The following CBLB variants were observed in gnomAD, a reference collection of about 807,000 sequenced individuals.
CBLB encodes the protein E3 ubiquitin-protein ligase CBL-B.
A neutral mutation model predicts 104.9 loss-of-function variants in CBLB; 31 were observed. That is an observed-to-expected ratio of 0.30 (90% CI 0.22 to 0.40). The LOEUF (loss-of-function observed/expected upper bound fraction) is 0.40, where lower values mean the gene tolerates loss of function less well. CBLB is among the 10% of genes least tolerant of loss of function. The pLI is 1.00. For missense variants in CBLB, 1,062 were observed against 1,214.6 expected (o/e 0.87, Z 1.87); for synonymous variants, 440 against 422.6 (o/e 1.04, Z -0.51).
At chr3:105,754,023 G>C (rs900519081) in intron 4 of CBLB, among the ~76,000 whole-genome samples, 2 of 152,108 alleles carry the variant, frequency 1.3e-5, no homozygotes, top group Admixed American at 6.5e-5. Flanking sequence ...TAGTAATAGG[G>C]ATTAGGGAGC....
chr3:105,710,486 G>T (rs991155607), intron 10 of CBLB, among the ~76,000 whole-genome samples: 1 of 151,946 alleles, frequency 6.6e-6, no homozygotes, highest in African/African-American at 2.4e-5. Flanking sequence ...AAAAGATACT[G>T]ATCAGTATCA....
intron 10 of CBLB, among the ~76,000 whole-genome samples, chr3:105,714,621 C>T (rs930707908): frequency 2.6e-5 from 4 of 152,158 alleles, no homozygotes; most frequent in African/African-American, 4.8e-5. Flanking sequence ...GGCGGTAATG[C>T]GAGCTGTGGG....
intron 5 of CBLB, among the ~76,000 whole-genome samples, chr3:105,748,367 T>C (rs2076300019): frequency 6.6e-6 from 1 of 152,194 alleles, no homozygotes; most frequent in Admixed American, 6.5e-5. Context: ...GACTTTCCTC[T>C]TCTTTGATTT....
chr3:105,751,690 C>T (rs1362687630), intron 4 of CBLB, 72 bp from the exon 5 acceptor site: 2 of 1,082,946 alleles, frequency 1.8e-6, no homozygotes, highest in Non-Finnish European at 2.9e-6. Context: ...TTTGAAGCAG[C>T]AAAATTCAAT....
At chr3:105,721,571 G>A (rs1010931543) in intron 9 of CBLB, among the ~76,000 whole-genome samples, 1 of 152,098 alleles carries the variant, frequency 6.6e-6, no homozygotes, top group South Asian at 2.1e-4. Flanking sequence ...ATTTGGAAAA[G>A]AAACTTGGAA....
At chr3:105,679,281 T>C (rs1401578563) in intron 16 of CBLB, among the ~76,000 whole-genome samples, 2 of 150,456 alleles carry the variant, frequency 1.3e-5, no homozygotes, top group African/African-American at 4.9e-5. Flanking sequence ...ATCTACTTAT[T>C]TGTCCCCTGT....
rs2077082554 is a variant in CBLB at position 105,756,343 on chromosome 3, G to C, written c.567-4725C>G. ...GTTTTATATTGGCTATATATAACTA[G>C]AAAATGAAACTTTAAACATTTAATT... On this transcript the variant is annotated intron_variant, in intron 4 of 18. Transcript: ENST00000394030. Among the ~76,000 whole-genome samples the C allele has an allele frequency of 2.0e-5, 3 of 152,134 alleles. No individual in the cohort carries two copies. The South Asian group carries it at 6.2e-4, about 32-fold the overall frequency.
intron 3 of CBLB, among the ~76,000 whole-genome samples, chr3:105,781,655 C>T (rs1029266470): frequency 6.6e-6 from 1 of 152,050 alleles, no homozygotes; most frequent in Non-Finnish European, 1.5e-5. Flanking sequence ...TGCATGTAGT[C>T]CTTGAGTTTT....
chr3:105,760,216 A>T (rs1318259620), intron 4 of CBLB, among the ~76,000 whole-genome samples: 13 of 152,228 alleles, frequency 8.5e-5, no homozygotes, highest in Non-Finnish European at 1.5e-4. Flanking sequence ...ACATAATTCT[A>T]TTTATTTTCC....
chr3:105,728,122 T>C (rs2073894794), intron 9 of CBLB, among the ~76,000 whole-genome samples: 1 of 152,196 alleles, frequency 6.6e-6, no homozygotes, highest in African/African-American at 2.4e-5. Flanking sequence ...AATCTATAAA[T>C]TACTTTGGGC....
At chr3:105,808,944 A>T (rs1347407557) in intron 3 of CBLB, among the ~76,000 whole-genome samples, 2 of 152,200 alleles carry the variant, frequency 1.3e-5, no homozygotes, top group Non-Finnish European at 2.9e-5. Context: ...TAGCTTTTAG[A>T]TTGTAAGATC....
intron 9 of CBLB, among the ~76,000 whole-genome samples, chr3:105,727,185 CCT>C (rs1277590106): frequency 1.3e-5 from 2 of 152,038 alleles, no homozygotes; most frequent in East Asian, 3.9e-4. Flanking sequence ...TAAAAGCACT[CCT>C]ATTTCTCCAC....
chr3:105,679,961 T>C (rs529135282), intron 16 of CBLB, among the ~76,000 whole-genome samples: 1 of 152,018 alleles, frequency 6.6e-6, no homozygotes, highest in Non-Finnish European at 1.5e-5. Flanking sequence ...CCCTTAAACA[T>C]CTGACACTGG....
intron 1 of CBLB, chr3:105,868,463 C>A (rs1706514888): frequency 2.8e-6 from 1 of 359,330 alleles, no homozygotes; most frequent in South Asian, 1.5e-4. Flanking sequence ...CCGTCTAGGG[C>A]GCGGGAGGGA....
intron 13 of CBLB, 112 bp downstream of exon 13, chr3:105,693,382 A>G: frequency 1.4e-6 from 1 of 709,698 alleles, no homozygotes; most frequent in Non-Finnish European, 2.6e-6. Context: ...CTGGCTGTTT[A>G]CTATCAATGA....
At chr3:105,846,127 A>T (rs2090215032) in intron 3 of CBLB, among the ~76,000 whole-genome samples, 1 of 152,072 alleles carries the variant, frequency 6.6e-6, no homozygotes, top group South Asian at 2.1e-4. Context: ...GAGTAAATGT[A>T]TATGTTTATA....
At chr3:105,724,540 C>T (rs542951251) in intron 9 of CBLB, among the ~76,000 whole-genome samples, 4 of 152,048 alleles carry the variant, frequency 2.6e-5, no homozygotes, top group Non-Finnish European at 5.9e-5. Context: ...TAGTTTAAAG[C>T]TTTATAAAGT....
At chr3:105,725,792 A>C (rs938777179) in intron 9 of CBLB, among the ~76,000 whole-genome samples, 4 of 152,216 alleles carry the variant, frequency 2.6e-5, no homozygotes, top group East Asian at 1.9e-4. Context: ...TGAGGCTAGA[A>C]ATGTGAAGAC....
rs1204044470 is a variant in CBLB, at chr3:105,734,052, G to A, written c.1160C>T (p.Pro387Leu). Residue 387 changes from proline (P) to leucine (L), a missense_variant, in exon 9 of 19, where the codon CCT (proline) becomes CTT (leucine). Transcript: ENST00000394030. The part of the protein sequence containing the change: ...AENDKDVKIE[P>L]CGHLMCTSCL... The stretch of plus-strand genomic sequence containing the variant: ...AGAGGTGCACATCAAATGCCCACAA[G>A]GCTCAATCTTGACATCTTTGTCATT... 1.9e-6 allele frequency: 3 copies of A among 1,613,976 alleles called. No homozygotes were observed. The highest frequency in any genetic ancestry group is 2.5e-6 in the Non-Finnish European group (3 of 1,179,854).
Sources: allele counts gnomAD v4.1 joint callset (sites outside exome capture counted in the v4.1 genomes callset), GRCh38; gene constraint gnomAD v4.1.1; transcripts MANE v1.5; gene names NCBI Gene and HGNC (gene_info 2026-07-23, HGNC 2026-07-21).